Variants in PCDHA4 observed in about 807,000 individuals in gnomAD.
PCDHA4 encodes protocadherin alpha 4.
A neutral mutation model predicts 61.4 loss-of-function variants in PCDHA4; 49 were observed. That is an observed-to-expected ratio of 0.80 (90% CI 0.63 to 1.01). The LOEUF is 1.01. Among genes scored for constraint, PCDHA4 ranks in the 50% least tolerant of loss-of-function variants. The pLI, the probability that PCDHA4 is intolerant of heterozygous loss-of-function variation, is 0.00. For missense variants in PCDHA4, 1,254 were observed against 1,235.8 expected (o/e 1.01, Z -0.22); for synonymous variants, 590 against 550.3 (o/e 1.07, Z -1.01).
intron 1 of PCDHA4, among the ~76,000 whole-genome samples, chr5:140,964,836 T>G (rs1306843318): frequency 1.3e-5 from 2 of 152,148 alleles, no homozygotes; most frequent in African/African-American, 4.8e-5. Flanking sequence ...AATTGCTTCC[T>G]ACTCTGTACC....
intron 1 of PCDHA4, chr5:140,816,401 A>G (rs1765898077): frequency 6.6e-6 from 1 of 152,022 alleles, no homozygotes; most frequent in Non-Finnish European, 1.5e-5. Context: ...CTGCTTATGC[A>G]TTATTTTCCT....
intron 1 of PCDHA4, among the ~76,000 whole-genome samples, chr5:140,946,059 G>GA (rs2093880331): frequency 6.6e-6 from 1 of 152,156 alleles, no homozygotes; most frequent in East Asian, 1.9e-4. Flanking sequence ...CAGAATGGGA[G>GA]AAAATATTTG....
chr5:140,821,832 C>G (rs1364936196), intron 1 of PCDHA4: 1 of 1,614,038 alleles, frequency 6.2e-7, no homozygotes, highest in Non-Finnish European at 8.5e-7. Context: ...TCTGGCTTCT[C>G]CTTGCCTACT....
intron 1 of PCDHA4, chr5:140,966,748 T>G: frequency 1.4e-6 from 2 of 1,426,956 alleles, no homozygotes; most frequent in Non-Finnish European, 1.8e-6. Flanking sequence ...CCCGGCTGCC[T>G]CCGCCGCGGC....
At chr5:140,838,041 C>T (rs1479923409) in intron 1 of PCDHA4, among the ~76,000 whole-genome samples, 1 of 149,154 alleles carries the variant, frequency 6.7e-6, no homozygotes. Flanking sequence ...TACCTTTCTG[C>T]ACTTTTTGGT....
chr5:140,972,294 C>T (rs944183626), intron 1 of PCDHA4, among the ~76,000 whole-genome samples: 14 of 151,458 alleles, frequency 9.2e-5, no homozygotes, highest in South Asian at 2.1e-4. Context: ...TGTGCGCCAC[C>T]GTGTCTGACT....
chr5:140,808,322 A>C lies in PCDHA4; in HGVS notation c.1135A>C (p.Met379Leu). ...IALISVSDKD[M>L]GVNGLVTCSL... Reference sequence around the variant, plus strand: ...CCTGATCAGCGTGTCCGACAAAGACATGGGTGTCAATGGGCTGGTCACCTG... The same window carrying C: ...CCTGATCAGCGTGTCCGACAAAGACCTGGGTGTCAATGGGCTGGTCACCTG... Residue 379 changes from methionine (M) to leucine (L), a missense_variant, in exon 1 of 4, where the codon ATG becomes CTG. Coordinates refer to ENST00000530339, the MANE Select transcript of PCDHA4 (RefSeq NM_018907.4). 6.2e-7 allele frequency: 1 copy of C among 1,614,226 alleles called. No individual in the cohort carries two copies. Among genetic ancestry groups the C allele is most frequent in the Non-Finnish European group, 8.5e-7 (1 of 1,180,038 alleles).
chr5:140,825,524 A>G (rs1554130271), intron 1 of PCDHA4: 1 of 151,394 alleles, frequency 6.6e-6, no homozygotes, highest in Non-Finnish European at 1.5e-5. Flanking sequence ...TCCCAGGTTC[A>G]AGCGATTCTC....
In PCDHA4 at chr5:140,852,727, G is replaced by T. The variant is rs1395858951; in HGVS notation, c.2385+43155G>T. The T allele has an allele frequency of 2.0e-6, 2 of 983,412 alleles. 1 individual carries two copies. The highest frequency in any genetic ancestry group is 2.5e-6 in the Non-Finnish European group (2 of 816,078). 60.9% of individuals were successfully genotyped at this position (983,412 alleles called of 1,614,324 possible). A position where few individuals can be genotyped will look rare whatever the true frequency, so the allele number is the denominator to read the frequency against. On this transcript the variant is annotated intron_variant, in intron 1 of 3. Transcript: ENST00000530339. ...ATCTTTGTCTTTGCACGTTTTTCAA[G>T]TTTCATGTGCCATTTAAACTTGGAC...
intron 1 of PCDHA4, among the ~76,000 whole-genome samples, chr5:140,923,228 C>A (rs2338302): frequency 1.4e-5 from 1 of 71,808 alleles, no homozygotes; most frequent in South Asian, 4.8e-4. Context: ...TCGTTTGAGC[C>A]CAGAAGTTTG....
At position 140,824,610 on chromosome 5, in the gene PCDHA4, G is replaced by GTTTTT. The variant is rs782443702; in HGVS notation, c.2385+15056_2385+15060dup. 4.6e-3 allele frequency: 437 copies of GTTTTT among 95,104 alleles called. 77 individuals carry two copies. Among genetic ancestry groups the GTTTTT allele is most frequent in the African/African-American group, 0.02 (401 of 20,564 alleles). 5.9% of individuals were successfully genotyped at this position (95,104 alleles called of 1,614,324 possible). On this transcript the variant is annotated intron_variant, in intron 1 of 3. Transcript: ENST00000530339. Reference sequence around the variant, plus strand: ...GGACTACATGCACATGCTAATTAAAGTTTTTTTTTTTTTTTTTTTTTTATT... The same window carrying GTTTTT: ...GGACTACATGCACATGCTAATTAAAGTTTTTTTTTTTTTTTTTTTTTTTTTTTATT...
At chr5:140,860,192 C>CATATATATATATATATATATAT (rs143984774) in intron 1 of PCDHA4, 4 of 146,814 alleles carry the variant, frequency 2.7e-5, no homozygotes, top group Admixed American at 6.8e-5. Context: ...GCTCTCCTTA[C>CATATATATATATATATATATAT]ATATATATCT....
In PCDHA4 at chr5:140,879,783, G is replaced by C. The variant is rs182330190; in HGVS notation, c.2385+70211G>C. Among the ~76,000 whole-genome samples, 12 of 152,280 alleles carry C rather than the reference G, an allele frequency of 7.9e-5. No homozygotes were observed. In the East Asian group the frequency reaches 2.3e-3, roughly 29 times the overall value. ...TTTGGAGGCCCCAGGGAAGAATCTGGTTTTTGTTTCTTCCAGTTTCTATTG... is the reference window on the plus strand; with the variant it reads ...TTTGGAGGCCCCAGGGAAGAATCTGCTTTTTGTTTCTTCCAGTTTCTATTG... On this transcript the variant is annotated intron_variant, in intron 1 of 3. Coordinates refer to ENST00000530339, the MANE Select transcript of PCDHA4 (RefSeq NM_018907.4).
At chr5:140,884,689 T>C (rs1290961484) in intron 1 of PCDHA4, 11 of 1,534,282 alleles carry the variant, frequency 7.2e-6, no homozygotes, top group Non-Finnish European at 9.6e-6. Flanking sequence ...AAAAATTGTC[T>C]TAGTAAACAC....
chr5:140,890,635 C>G (rs1015207309), intron 1 of PCDHA4, among the ~76,000 whole-genome samples: 1 of 152,114 alleles, frequency 6.6e-6, no homozygotes, highest in Non-Finnish European at 1.5e-5. Flanking sequence ...AAGCATGTAT[C>G]CTTGATATAT....
chr5:140,926,106 G>A (rs952874240), intron 1 of PCDHA4, among the ~76,000 whole-genome samples: 9 of 152,176 alleles, frequency 5.9e-5, no homozygotes, highest in African/African-American at 2.2e-4. Flanking sequence ...GGATACAAGA[G>A]GGTGCAGGAC....
chr5:140,835,712 G>C, intron 1 of PCDHA4: 1 of 1,613,796 alleles, frequency 6.2e-7, no homozygotes, highest in Non-Finnish European at 8.5e-7. Flanking sequence ...GCGTGTCCGT[G>C]GAGGTGGCCG....
intron 1 of PCDHA4, chr5:140,928,082 T>C: frequency 1.2e-6 from 2 of 1,614,212 alleles, no homozygotes. Context: ...TACTACAGCC[T>C]GCTGATTGAT....
chr5:140,954,181 T>C (rs1342526768), intron 1 of PCDHA4, among the ~76,000 whole-genome samples: 1 of 152,234 alleles, frequency 6.6e-6, no homozygotes, highest in Non-Finnish European at 1.5e-5. Flanking sequence ...ATCCAGTCTA[T>C]CATTGATGGG....
Sources: gnomAD v4.1 joint callset for allele counts (sites outside exome capture counted in the v4.1 genomes callset) on GRCh38, gnomAD v4.1.1 for gene constraint, MANE v1.5 for transcripts, NCBI Gene and HGNC (gene_info 2026-07-23, HGNC 2026-07-21) for gene names.